MED12L: variants seen among roughly 807,000 people sequenced by gnomAD.
MED12L encodes the protein mediator of RNA polymerase II transcription subunit 12-like protein.
In MED12L, 60 loss-of-function variants were observed where a neutral mutation model predicts 281.3. The ratio of observed to expected loss-of-function variants is 0.21; its 90% CI spans 0.17 to 0.26. MED12L has a LOEUF of 0.26. Among genes scored for constraint, MED12L ranks in the 10% least tolerant of loss-of-function variants. The pLI, the probability that MED12L is intolerant of heterozygous loss-of-function variation, is 1.00. For synonymous variants in MED12L, 974 were observed against 987.2 expected (o/e 0.99, Z 0.25); for missense variants, 2,146 against 2,680.9 (o/e 0.80, Z 4.41).
intron 16 of MED12L, among the ~76,000 whole-genome samples, chr3:151,207,047 AT>A (rs879695592): frequency 0.017 from 2,247 of 131,616 alleles, 13 homozygotes; most frequent in Middle Eastern, 0.022. Context: ...TAGCCATGTG[AT>A]TTTTTTTTTT....
Position 151,188,437 on chromosome 3 carries a change from G to C in MED12L, c.1710G>C (p.Gln570His), listed in dbSNP as rs1723548715. ...CTGGATCCAGTTTGCCTGTTTTCCAGAATGTGCTGTTAAGGTTTTTAGATA... is the reference window on the plus strand; with the variant it reads ...CTGGATCCAGTTTGCCTGTTTTCCACAATGTGCTGTTAAGGTTTTTAGATA... Reference protein sequence around the residue: ...SLAGSSLPVFQNVLLRFLDTQ... With the variant: ...SLAGSSLPVFHNVLLRFLDTQ... The change falls in exon 13 of 45, where the codon CAG becomes CAC. Residue 570 changes from glutamine to histidine, a missense_variant. Gln to His is a conservative substitution (Grantham distance 24, BLOSUM62 0). Coordinates refer to ENST00000687756, the MANE Select transcript of MED12L (RefSeq NM_001393769.1). The C allele has an allele frequency of 6.2e-7, 1 of 1,613,628 alleles. No homozygotes were observed. Among genetic ancestry groups the C allele is most frequent in the Admixed American group, 1.7e-5 (1 of 60,016 alleles).
chr3:151,244,684 A>AC (rs1734972567), intron 16 of MED12L, among the ~76,000 whole-genome samples: 1 of 151,088 alleles, frequency 6.6e-6, no homozygotes, highest in Admixed American at 6.6e-5. Context: ...CAAAATTGAC[A>AC]CCCTAACATC....
chr3:151,302,063 A>T (rs1180389576), intron 16 of MED12L, among the ~76,000 whole-genome samples: 2 of 152,240 alleles, frequency 1.3e-5, no homozygotes, highest in Non-Finnish European at 2.9e-5. Context: ...ATATTACTCA[A>T]TAAAAATAAG....
At chr3:151,250,360 A>T (rs1736600858) in intron 16 of MED12L, among the ~76,000 whole-genome samples, 1 of 152,186 alleles carries the variant, frequency 6.6e-6, no homozygotes. Context: ...TTGTGTAACC[A>T]TCATCACCAT....
intron 16 of MED12L, among the ~76,000 whole-genome samples, chr3:151,260,091 G>T (rs759748071): frequency 6.6e-6 from 1 of 152,174 alleles, no homozygotes; most frequent in Non-Finnish European, 1.5e-5. Flanking sequence ...TGATGGGTGG[G>T]ACTGGGGACA....
rs747558778 is a variant in MED12L at position 151,206,642 on chromosome 3, C to CTTTTTTTTTTTTTTTTTTTTT, written c.2250+12996_2250+12997insTTTTTTTTTTTTTTTTTTTTT. Reference sequence around the variant, plus strand: ...TATGAACTTATGACTAACACATTATCTTTTTTTTTTTTTTTTTTTTGAGAC... The same window carrying CTTTTTTTTTTTTTTTTTTTTT: ...TATGAACTTATGACTAACACATTATCTTTTTTTTTTTTTTTTTTTTTTTTTTTTTTTTTTTTTTTTTGAGAC... On this transcript the variant is annotated intron_variant, in intron 16 of 44. Coordinates refer to ENST00000687756, the MANE Select transcript of MED12L (RefSeq NM_001393769.1). 1.0e-4 allele frequency among the ~76,000 whole-genome samples: 7 copies of CTTTTTTTTTTTTTTTTTTTTT among 70,316 alleles called. 2 individuals are homozygous for CTTTTTTTTTTTTTTTTTTTTT. The highest frequency in any genetic ancestry group is 9.5e-5 in the Non-Finnish European group (4 of 41,900). The allele number at this position is 70,316 out of a possible 152,430, so 46.1% of individuals were successfully genotyped here. A position where few individuals can be genotyped will look rare whatever the true frequency, so the allele number is the denominator to read the frequency against.
At position 151,123,233 on chromosome 3, in the gene MED12L, A is replaced by G. The variant is rs375495011; in HGVS notation, c.396+259A>G. Among the ~76,000 whole-genome samples the G allele has an allele frequency of 3.5e-3, 526 of 152,318 alleles. 4 individuals carry two copies. The highest frequency in any genetic ancestry group is 0.014 in the Middle Eastern group (4 of 294). Reference sequence around the variant, plus strand: ...GATTTTAGGTAGACAAGATTTTAAAATCAAGAACAGGCAAGAAGCCTTCAT... The same window carrying G: ...GATTTTAGGTAGACAAGATTTTAAAGTCAAGAACAGGCAAGAAGCCTTCAT... On this transcript the variant is annotated intron_variant, in intron 4 of 44. Coordinates refer to ENST00000687756, the MANE Select transcript of MED12L (RefSeq NM_001393769.1).
At chr3:151,278,240 C>G (rs919832783) in intron 16 of MED12L, 1 of 152,226 alleles carries the variant, frequency 6.6e-6, no homozygotes, top group Non-Finnish European at 1.5e-5. Context: ...TTCCCATGCA[C>G]CATTCACATA....
intron 16 of MED12L, among the ~76,000 whole-genome samples, chr3:151,285,841 T>G (rs529330390): frequency 1.1e-4 from 17 of 152,270 alleles, no homozygotes; most frequent in African/African-American, 3.9e-4. Flanking sequence ...CCTTCCGCCA[T>G]GTAAGGACAC....
chr3:151,229,734 G>C (rs547962925), intron 16 of MED12L, among the ~76,000 whole-genome samples: 2 of 152,168 alleles, frequency 1.3e-5, no homozygotes, highest in South Asian at 4.1e-4. Flanking sequence ...CAAAGTGCTG[G>C]GATTACAGGC....
intron 43 of MED12L, among the ~76,000 whole-genome samples, chr3:151,429,065 C>T (rs547653869): frequency 6.6e-6 from 1 of 152,288 alleles, no homozygotes; most frequent in South Asian, 2.1e-4. Flanking sequence ...GGAAAACCAG[C>T]TGGAGGTGAT....
intron 2 of MED12L, among the ~76,000 whole-genome samples, chr3:151,089,924 C>T (rs1049605321): frequency 4.6e-5 from 7 of 152,214 alleles, no homozygotes; most frequent in Non-Finnish European, 8.8e-5. Flanking sequence ...TCCATGCGCA[C>T]ATCCTGTTCA....
intron 42 of MED12L, 104 bp downstream of exon 42, chr3:151,413,399 C>A: frequency 7.6e-7 from 1 of 1,317,300 alleles, no homozygotes; most frequent in Non-Finnish European, 1.0e-6. Context: ...TTGCCAGATT[C>A]CAAGGATCCC....
At position 151,373,559 on chromosome 3, in the gene MED12L, G is replaced by GT. The variant is rs758807351; in HGVS notation, c.3864+793_3864+794insT. ...TTTACTATGATGGTTGCAAAATGGT[G>GT]GTTTTTTTTTTTCCCCAACTTCTCC... On this transcript the variant is annotated intron_variant, in intron 27 of 44. Transcript: ENST00000687756. Among the ~76,000 whole-genome samples, 603 of 143,150 alleles carry GT rather than the reference G, an allele frequency of 4.2e-3. 3 individuals carry two copies. The highest frequency in any genetic ancestry group is 0.014 in the African/African-American group (532 of 37,140). 93.9% of individuals were successfully genotyped at this position (143,150 alleles called of 152,430 possible). A position where few individuals can be genotyped will look rare whatever the true frequency, so the allele number is the denominator to read the frequency against.
chr3:151,348,781 A>G (rs985941765), intron 16 of MED12L, among the ~76,000 whole-genome samples: 3 of 152,214 alleles, frequency 2.0e-5, no homozygotes, highest in Admixed American at 2.0e-4. Flanking sequence ...ACAGAATTGG[A>G]GAGAGAAAAA....
intron 7 of MED12L, 94 bp from the exon 8 acceptor site, chr3:151,159,738 A>G (rs1033806035): frequency 6.4e-6 from 8 of 1,249,180 alleles, no homozygotes; most frequent in Non-Finnish European, 8.9e-6. Flanking sequence ...AAGTTTTTTT[A>G]TCTTTTTTAA....
At chr3:151,405,835 T>C (rs1026689698) in intron 39 of MED12L, among the ~76,000 whole-genome samples, 3 of 152,174 alleles carry the variant, frequency 2.0e-5, no homozygotes, top group African/African-American at 7.2e-5. Flanking sequence ...AACATTAAAT[T>C]AAATTTGAGT....
intron 2 of MED12L, among the ~76,000 whole-genome samples, chr3:151,094,344 A>G (rs1720447562): frequency 6.6e-6 from 1 of 152,188 alleles, no homozygotes; most frequent in African/African-American, 2.4e-5. Flanking sequence ...ACATGATGAA[A>G]GATGTTAAAA....
Position 151,435,062 on chromosome 3 carries a change from C to CTTTTTTTTTTTTTTTTTTTTTTTTTTT in MED12L, c.*2278_*2279insTTTTTTTTTTTTTTTTTTTTTTTTTTT, listed in dbSNP as rs66791814. 8.4e-6 allele frequency: 1 copy of CTTTTTTTTTTTTTTTTTTTTTTTTTTT among 119,082 alleles called. No homozygotes were observed. Among genetic ancestry groups the CTTTTTTTTTTTTTTTTTTTTTTTTTTT allele is most frequent in the Non-Finnish European group, 1.7e-5 (1 of 57,276 alleles). The allele number at this position is 119,082 out of a possible 1,614,324, so 7.4% of individuals were successfully genotyped here. A position where few individuals can be genotyped will look rare whatever the true frequency, so the allele number is the denominator to read the frequency against. Reference sequence around the variant, plus strand: ...GTTAATTCTGTATCTTGAGAGGTTTCTTTTTTTTTTTTTTTTTTTTCTTTT... The same window carrying CTTTTTTTTTTTTTTTTTTTTTTTTTTT: ...GTTAATTCTGTATCTTGAGAGGTTTCTTTTTTTTTTTTTTTTTTTTTTTTTTTTTTTTTTTTTTTTTTTTTTTCTTTT... On this transcript the variant is annotated 3_prime_UTR_variant, in exon 45 of 45. Coordinates refer to ENST00000687756, the MANE Select transcript of MED12L (RefSeq NM_001393769.1).
Sources: allele counts gnomAD v4.1 joint callset (sites outside exome capture counted in the v4.1 genomes callset), GRCh38; gene constraint gnomAD v4.1.1; transcripts MANE v1.5; gene names NCBI Gene and HGNC (gene_info 2026-07-23, HGNC 2026-07-21).